The following GMDS variants were observed in gnomAD, a reference collection of about 807,000 sequenced individuals.
The protein encoded by GMDS is GDP-mannose 4,6-dehydratase, also known as GDP-mannose 4,6 dehydratase.
Under a neutral mutation model 49.9 loss-of-function variants are expected in GMDS, and 20 were observed. The observed-to-expected ratio is 0.40, with a 90% CI of 0.28 to 0.58. The LOEUF (loss-of-function observed/expected upper bound fraction) is 0.58, where lower values mean the gene tolerates loss of function less well. Ranked by LOEUF, GMDS falls within the 20% of genes least tolerant of loss-of-function variation. The pLI is 0.42. For missense variants in GMDS, 362 were observed against 481.4 expected (o/e 0.75, Z 2.32); for synonymous variants, 177 against 178.6 (o/e 0.99, Z 0.07).
intron 7 of GMDS, among the ~76,000 whole-genome samples, chr6:1,872,570 C>T (rs1431376629): frequency 2.0e-5 from 3 of 152,180 alleles, no homozygotes; most frequent in South Asian, 2.1e-4. Flanking sequence ...AAAAGGGGTA[C>T]AATATATCAC....
intron 7 of GMDS, among the ~76,000 whole-genome samples, chr6:1,793,276 T>C (rs1769611460): frequency 6.6e-6 from 1 of 152,198 alleles, no homozygotes; most frequent in Admixed American, 6.5e-5. Context: ...ACTTCTCTAC[T>C]CCAGGACGGC....
intron 7 of GMDS, among the ~76,000 whole-genome samples, chr6:1,875,957 G>T (rs892214088): frequency 1.4e-4 from 21 of 151,048 alleles, no homozygotes; most frequent in Admixed American, 1.3e-3. Context: ...GGCAGAGGTT[G>T]CGGTGAGCCG....
intron 7 of GMDS, among the ~76,000 whole-genome samples, chr6:1,899,486 G>C (rs575096249): frequency 6.6e-6 from 1 of 152,302 alleles, no homozygotes; most frequent in African/African-American, 2.4e-5. Context: ...ACTTTTTAAG[G>C]AGTAGACTCC....
intron 2 of GMDS, among the ~76,000 whole-genome samples, chr6:2,122,418 C>T (rs1002126521): frequency 6.6e-6 from 1 of 152,084 alleles, no homozygotes; most frequent in Non-Finnish European, 1.5e-5. Context: ...ACCACCACTG[C>T]CCCCCACCCC....
rs150039311 is a variant in GMDS, at chr6:2,146,338, A to G, written c.103-21607T>C. 6.0e-3 allele frequency among the ~76,000 whole-genome samples: 917 copies of G among 152,316 alleles called. 9 individuals carry two copies. Among genetic ancestry groups the G allele is most frequent in the African/African-American group, 0.021 (875 of 41,568 alleles). On this transcript the variant is annotated intron_variant, in intron 1 of 10. Transcript: ENST00000380815. ...GGTGGTTAAGTTCCTAAATAAGGGTAGTGATATGAACACATAAAGGATGGG... is the reference window on the plus strand; with the variant it reads ...GGTGGTTAAGTTCCTAAATAAGGGTGGTGATATGAACACATAAAGGATGGG...
At chr6:1,907,581 GT>G (rs1338549466) in intron 7 of GMDS, among the ~76,000 whole-genome samples, 1 of 152,158 alleles carries the variant, frequency 6.6e-6, no homozygotes, top group Non-Finnish European at 1.5e-5. Flanking sequence ...TGAACTCTCT[GT>G]TTTATGACAT....
Position 1,880,273 on chromosome 6 carries a change from C to A in GMDS, c.771+49830G>T, listed in dbSNP as rs1759298066. 2.7e-5 allele frequency among the ~76,000 whole-genome samples: 3 copies of A among 110,554 alleles called. No individual in the cohort carries two copies. In the South Asian group the frequency reaches 1.0e-3, roughly 38 times the overall value. 72.5% of individuals were successfully genotyped at this position (110,554 alleles called of 152,430 possible). ...GACCAGCCTGAACAATGAAACGAGA[C>A]CTCATTTCCACAAAAAAAAAAAAAA... is the stretch of plus-strand genomic sequence containing the variant. On this transcript the variant is annotated intron_variant, in intron 7 of 10. Transcript: ENST00000380815.
chr6:2,209,075 G>A (rs181093115), intron 1 of GMDS, among the ~76,000 whole-genome samples: 1 of 152,256 alleles, frequency 6.6e-6, no homozygotes, highest in African/African-American at 2.4e-5. Context: ...GTGTTCAGCA[G>A]GGCATTGCAA....
At chr6:1,789,832 C>G (rs1247022393) in intron 7 of GMDS, among the ~76,000 whole-genome samples, 1 of 152,104 alleles carries the variant, frequency 6.6e-6, no homozygotes, top group Non-Finnish European at 1.5e-5. Flanking sequence ...GCCACCACAC[C>G]CAGCCTAAAA....
chr6:1,645,090 C>T (rs558991229), intron 9 of GMDS, among the ~76,000 whole-genome samples: 1 of 152,198 alleles, frequency 6.6e-6, no homozygotes, highest in South Asian at 2.1e-4. Context: ...CATGTGCCAC[C>T]ACGCCCAGCT....
intron 9 of GMDS, among the ~76,000 whole-genome samples, chr6:1,646,108 AT>A (rs1449390857): frequency 6.6e-6 from 1 of 152,142 alleles, no homozygotes; most frequent in Non-Finnish European, 1.5e-5. Flanking sequence ...CACTGTTACC[AT>A]TCCTCTCACT....
intron 4 of GMDS, among the ~76,000 whole-genome samples, chr6:1,967,941 A>G (rs1290958740): frequency 6.6e-6 from 1 of 152,252 alleles, no homozygotes; most frequent in Non-Finnish European, 1.5e-5. Context: ...CCAGATATAG[A>G]TGCTGAAAGT....
In GMDS at chr6:2,175,161, C is replaced by T. The variant is rs548762562; in HGVS notation, c.103-50430G>A. Among the ~76,000 whole-genome samples the T allele has an allele frequency of 8.5e-5, 13 of 152,062 alleles. No homozygotes were observed. The South Asian group carries it at 2.3e-3, about 27-fold the overall frequency. On this transcript the variant is annotated intron_variant, in intron 1 of 10. Transcript: ENST00000380815. Reference sequence around the variant, plus strand: ...GATTTGGGGATCTATGAAATAATCACATTTTTGCTTCTTGAAAAAGGAGAT... The same window carrying T: ...GATTTGGGGATCTATGAAATAATCATATTTTTGCTTCTTGAAAAAGGAGAT...
intron 9 of GMDS, among the ~76,000 whole-genome samples, chr6:1,626,931 C>T (rs565580066): frequency 2.0e-5 from 3 of 152,380 alleles, no homozygotes; most frequent in Admixed American, 1.3e-4. Flanking sequence ...AAACCAGAGA[C>T]GCACCCAGTT....
chr6:1,995,558 C>G (rs1184644777), intron 4 of GMDS, among the ~76,000 whole-genome samples: 1 of 152,166 alleles, frequency 6.6e-6, no homozygotes, highest in Non-Finnish European at 1.5e-5. Flanking sequence ...TGGGTACCTG[C>G]GTTAGGTTTA....
At chr6:2,085,818 CA>C (rs1186011419) in intron 4 of GMDS, among the ~76,000 whole-genome samples, 1 of 152,200 alleles carries the variant, frequency 6.6e-6, no homozygotes, top group African/African-American at 2.4e-5. Context: ...TGAGTCACCA[CA>C]CCTGGCCAAC....
intron 4 of GMDS, among the ~76,000 whole-genome samples, chr6:1,986,855 C>T (rs1015446751): frequency 2.6e-5 from 4 of 152,124 alleles, no homozygotes; most frequent in African/African-American, 9.7e-5. Flanking sequence ...TTAAGCTACA[C>T]AGAATGAGAG....
Position 2,245,322 on chromosome 6 carries a change from T to G in GMDS, c.101A>C (p.Gln34Pro). Residue 34 changes from glutamine (Q) to proline (P), a missense_variant and splice_region_variant, in exon 1 of 11, where the codon CAG (glutamine) becomes CCG (proline). Coordinates refer to ENST00000380815, the MANE Select transcript of GMDS (RefSeq NM_001500.4). ...NVALITGITG[Q>P]DGSYLAEFLL... ...GCGCGCCCCCGCCCCCGCACTCACC[T>G]GGCCTGTGATACCGGTGATGAGCGC... 1.3e-6 allele frequency: 2 copies of G among 1,539,872 alleles called. No individual in the cohort carries two copies. The highest frequency in any genetic ancestry group is 2.4e-5 in the East Asian group (1 of 41,384).
chr6:1,656,934 C>T (rs1430209445), intron 9 of GMDS, among the ~76,000 whole-genome samples: 4 of 152,116 alleles, frequency 2.6e-5, no homozygotes, highest in Non-Finnish European at 1.5e-5. Flanking sequence ...CCTTCACTAG[C>T]CACAAGGAAA....
Sources: allele counts gnomAD v4.1 joint callset (sites outside exome capture counted in the v4.1 genomes callset), GRCh38; gene constraint gnomAD v4.1.1; transcripts MANE v1.5; gene names NCBI Gene and HGNC (gene_info 2026-07-23, HGNC 2026-07-21).